ALDH1B1: variants seen among roughly 807,000 people sequenced by gnomAD.
ALDH1B1 encodes the protein aldehyde dehydrogenase 1 family member B1.
In ALDH1B1, 19 loss-of-function variants were observed where a neutral mutation model predicts 26.2. That is an observed-to-expected ratio of 0.72 (90% CI 0.51 to 1.06). The LOEUF (loss-of-function observed/expected upper bound fraction) is 1.06. ALDH1B1 is among the 50% of genes least tolerant of loss of function. ALDH1B1 has a pLI of 0.00. For synonymous variants in ALDH1B1, 249 were observed against 286.0 expected (o/e 0.87, Z 1.31); for missense variants, 671 against 683.1 (o/e 0.98, Z 0.20).
At position 38,395,791 on chromosome 9, in the gene ALDH1B1, A is replaced by G. The variant is rs780298089; in HGVS notation, c.43A>G (p.Arg15Gly). The G allele has an allele frequency of 3.4e-5, 55 of 1,611,444 alleles. No individual in the cohort carries two copies. Among genetic ancestry groups the G allele is most frequent in the South Asian group, 5.5e-5 (5 of 90,854 alleles). ...LAPRLLSLQGRTARYSSAAAL... is the reference protein window; with the variant it reads ...LAPRLLSLQGGTARYSSAAAL... ...ACCCCGGCTGCTTAGCCTCCAGGGCAGGACCGCCCGCTACTCCTCGGCAGC... is the reference window on the plus strand; with the variant it reads ...ACCCCGGCTGCTTAGCCTCCAGGGCGGGACCGCCCGCTACTCCTCGGCAGC... Residue 15 changes from arginine (R) to glycine (G), a missense_variant, in exon 2 of 2, where the codon AGG becomes GGG. Arg to Gly is a moderately radical substitution (Grantham distance 125). Transcript: ENST00000377698.
rs372171593 is a variant in ALDH1B1, at chr9:38,396,453, G to A, written c.705G>A (p.Val235=). 27 of 1,614,000 alleles carry A rather than the reference G, an allele frequency of 1.7e-5. No homozygotes were observed. The highest frequency in any genetic ancestry group is 1.1e-4 in the African/African-American group (8 of 74,952). ...AGGCAGGCTTTCCCCCTGGGGTGGT[G>A]AACATCATCACGGGGTATGGCCCAA... ...IKEAGFPPGV[V]NIITGYGPTA... The change falls in exon 2 of 2, where the codon GTG becomes GTA. Residue 235 remains valine, a synonymous_variant. Transcript: ENST00000377698.
In ALDH1B1 at chr9:38,396,523, G is replaced by A. The variant is rs1181647785; in HGVS notation, c.775G>A (p.Ala259Thr). 2 of 1,613,762 alleles carry A rather than the reference G, an allele frequency of 1.2e-6. No homozygotes were observed. Among genetic ancestry groups the A allele is most frequent in the East Asian group, 2.2e-5 (1 of 44,864 alleles). ...CCAGCACGTGGATGTTGACAAAGTTGCCTTCACCGGTTCCACCGAGGTGGG... is the reference window on the plus strand; with the variant it reads ...CCAGCACGTGGATGTTGACAAAGTTACCTTCACCGGTTCCACCGAGGTGGG... ...IAQHVDVDKV[A>T]FTGSTEVGHL... Residue 259 changes from alanine to threonine, a missense_variant, in exon 2 of 2, where the codon GCC (alanine) becomes ACC (threonine). Coordinates refer to ENST00000377698, the MANE Select transcript of ALDH1B1 (RefSeq NM_000692.5).
At chr9:38,393,812 A>C (rs919918967) in intron 1 of ALDH1B1, among the ~76,000 whole-genome samples, 5 of 136,920 alleles carry the variant, frequency 3.7e-5, no homozygotes, top group African/African-American at 1.3e-4. Context: ...TTTAATTCTT[A>C]GTATCCCCCC....
intron 1 of ALDH1B1, 133 bp from the exon 2 acceptor site, chr9:38,395,607 T>A (rs771149623): frequency 7.7e-7 from 1 of 1,290,672 alleles, no homozygotes; most frequent in Non-Finnish European, 1.0e-6. Context: ...CCCTCACAGC[T>A]CTTACAGTCT....
At position 38,397,070 on chromosome 9, in the gene ALDH1B1, G is replaced by C; in HGVS notation, c.1322G>C (p.Arg441Thr). 1 of 1,614,196 alleles carries C rather than the reference G, an allele frequency of 6.2e-7. No homozygotes were observed. Among genetic ancestry groups the C allele is most frequent in the Non-Finnish European group, 8.5e-7 (1 of 1,180,042 alleles). ...GTGGTTGAGAGGGCCAACAACACCA[G>C]GTATGGCCTGGCTGCGGCTGTGTTC... ...EEVVERANNT[R>T]YGLAAAVFTR... The change falls in exon 2 of 2, where the codon AGG becomes ACG. Residue 441 changes from arginine to threonine, a missense_variant. By Grantham distance (71) the Arg-to-Thr change is moderately conservative. Transcript: ENST00000377698.
At position 38,396,042 on chromosome 9, in the gene ALDH1B1, CT is replaced by C; in HGVS notation, c.295del (p.Ser99LeufsTer7). The C allele has an allele frequency of 1.2e-6, 2 of 1,613,990 alleles. No homozygotes were observed. Among genetic ancestry groups the C allele is most frequent in the Non-Finnish European group, 1.7e-6 (2 of 1,180,004 alleles). ...LGSPWRRMDA[S>X]ERGRLLNRLA... is the part of the protein sequence containing the mutation. Reference sequence around the variant, plus strand: ...GGTCCCCATGGCGCCGGATGGATGCCTCTGAGCGGGGCCGGCTGCTGAACCG... The same window carrying C: ...GGTCCCCATGGCGCCGGATGGATGCCCTGAGCGGGGCCGGCTGCTGAACCG... On this transcript the variant is annotated frameshift_variant, in exon 2 of 2. Transcript: ENST00000377698. LOFTEE classifies it high-confidence loss of function.
Position 38,395,781 on chromosome 9 carries a change from C to T in ALDH1B1, c.33C>T (p.Ser11=), listed in dbSNP as rs1406168935. 1 of 1,605,946 alleles carries T rather than the reference C, an allele frequency of 6.2e-7. No individual in the cohort carries two copies. Among genetic ancestry groups the T allele is most frequent in the South Asian group, 1.1e-5 (1 of 90,444 alleles). Residue 11 remains serine (S), a synonymous_variant, in exon 2 of 2, where the codon AGC becomes AGT. Transcript: ENST00000377698. ...GCTTCCTGGCACCCCGGCTGCTTAGCCTCCAGGGCAGGACCGCCCGCTACT... is the reference window on the plus strand; with the variant it reads ...GCTTCCTGGCACCCCGGCTGCTTAGTCTCCAGGGCAGGACCGCCCGCTACT... MLRFLAPRLL[S]LQGRTARYSS...
At position 38,396,483 on chromosome 9, in the gene ALDH1B1, A is replaced by T. The variant is rs1821289259; in HGVS notation, c.735A>T (p.Ala245=). ...TCATCACGGGGTATGGCCCAACAGC[A>T]GGTGCGGCCATCGCCCAGCACGTGG... ...VNIITGYGPT[A]GAAIAQHVDV... The change falls in exon 2 of 2, where the codon GCA becomes GCT. Residue 245 remains alanine (A), a synonymous_variant. Coordinates refer to ENST00000377698, the MANE Select transcript of ALDH1B1 (RefSeq NM_000692.5). 6.2e-7 allele frequency: 1 copy of T among 1,613,914 alleles called. No individual in the cohort carries two copies. Among genetic ancestry groups the T allele is most frequent in the South Asian group, 1.1e-5 (1 of 91,090 alleles).
At position 38,396,046 on chromosome 9, in the gene ALDH1B1, G is replaced by A. The variant is rs1261485543; in HGVS notation, c.298G>A (p.Glu100Lys). 1 of 1,613,872 alleles carries A rather than the reference G, an allele frequency of 6.2e-7. No homozygotes were observed. The highest frequency in any genetic ancestry group is 1.3e-5 in the African/African-American group (1 of 74,944). The change falls in exon 2 of 2, where the codon GAG becomes AAG. Residue 100 changes from glutamate to lysine, a missense_variant. By Grantham distance (56) the Glu-to-Lys change is moderately conservative (BLOSUM62 1). Coordinates refer to ENST00000377698, the MANE Select transcript of ALDH1B1 (RefSeq NM_000692.5). ...CCCATGGCGCCGGATGGATGCCTCTGAGCGGGGCCGGCTGCTGAACCGCCT... is the reference window on the plus strand; with the variant it reads ...CCCATGGCGCCGGATGGATGCCTCTAAGCGGGGCCGGCTGCTGAACCGCCT... ...GSPWRRMDAS[E>K]RGRLLNRLAD...
Position 38,397,249 on chromosome 9 carries a change from G to A in ALDH1B1, c.1501G>A (p.Ala501Thr), listed in dbSNP as rs1289488633. 1 of 1,614,152 alleles carries A rather than the reference G, an allele frequency of 6.2e-7. No homozygotes were observed. Among genetic ancestry groups the A allele is most frequent in the South Asian group, 1.1e-5 (1 of 91,078 alleles). ...GRELGEDGLK[A>T]YTEVKTVTIK... ...GGAGCTGGGTGAGGATGGGCTTAAG[G>A]CCTACACAGAGGTAAAGACGGTCAC... The change falls in exon 2 of 2, where the codon GCC becomes ACC. Residue 501 changes from alanine (A) to threonine (T), a missense_variant. Coordinates refer to ENST00000377698, the MANE Select transcript of ALDH1B1 (RefSeq NM_000692.5).
intron 1 of ALDH1B1, among the ~76,000 whole-genome samples, chr9:38,393,413 CA>C (rs1255785452): frequency 6.6e-6 from 1 of 152,180 alleles, no homozygotes; most frequent in Non-Finnish European, 1.5e-5. Flanking sequence ...AGACAGCCTG[CA>C]AACTGTAAAG....
At position 38,396,447 on chromosome 9, in the gene ALDH1B1, G is replaced by A. The variant is rs1821288217; in HGVS notation, c.699G>A (p.Gly233=). 3.7e-6 allele frequency: 6 copies of A among 1,614,142 alleles called. No individual in the cohort carries two copies. Among genetic ancestry groups the A allele is most frequent in the South Asian group, 1.1e-5 (1 of 91,088 alleles). Residue 233 remains glycine (G), a synonymous_variant, in exon 2 of 2, where the codon GGG becomes GGA. Transcript: ENST00000377698. ...TCAAGGAGGCAGGCTTTCCCCCTGGGGTGGTGAACATCATCACGGGGTATG... is the reference window on the plus strand; with the variant it reads ...TCAAGGAGGCAGGCTTTCCCCCTGGAGTGGTGAACATCATCACGGGGTATG... ...SLIKEAGFPP[G]VVNIITGYGP...
chr9:38,396,511 G>T lies in ALDH1B1; in HGVS notation c.763G>T (p.Val255Phe), dbSNP rs757559755. 1 of 1,613,920 alleles carries T rather than the reference G, an allele frequency of 6.2e-7. No individual in the cohort carries two copies. Among genetic ancestry groups the T allele is most frequent in the Admixed American group, 1.7e-5 (1 of 60,036 alleles). ...AGAAIAQHVD[V>F]DKVAFTGSTE... ...TGCGGCCATCGCCCAGCACGTGGATGTTGACAAAGTTGCCTTCACCGGTTC... is the reference window on the plus strand; with the variant it reads ...TGCGGCCATCGCCCAGCACGTGGATTTTGACAAAGTTGCCTTCACCGGTTC... Residue 255 changes from valine (V) to phenylalanine (F), a missense_variant, in exon 2 of 2, where the codon GTT (valine) becomes TTT (phenylalanine). Physicochemically the swap from Val to Phe is conservative, Grantham distance 50. Coordinates refer to ENST00000377698, the MANE Select transcript of ALDH1B1 (RefSeq NM_000692.5).
chr9:38,398,256 T>C lies in ALDH1B1; in HGVS notation c.*954T>C, dbSNP rs1400044010. On this transcript the variant is annotated 3_prime_UTR_variant, in exon 2 of 2. Transcript: ENST00000377698. The stretch of plus-strand genomic sequence containing the variant: ...TAATGGTTGCATGATTTGGTAAAAA[T>C]ACTAAAAACTATGGAATTGTTTAAT... 3 of 166,950 alleles carry C rather than the reference T, an allele frequency of 1.8e-5. No individual in the cohort carries two copies. The highest frequency in any genetic ancestry group is 4.4e-5 in the Non-Finnish European group (3 of 68,096). 10.3% of individuals were successfully genotyped at this position (166,950 alleles called of 1,614,324 possible).
At position 38,396,310 on chromosome 9, in the gene ALDH1B1, C is replaced by T; in HGVS notation, c.562C>T (p.Pro188Ser). Residue 188 changes from proline (P) to serine (S), a missense_variant, in exon 2 of 2, where the codon CCC (proline) becomes TCC (serine). Transcript: ENST00000377698. The stretch of plus-strand genomic sequence containing the variant: ...TGGCCAGATCATCCCGTGGAACTTC[C>T]CCTTGGTCATGCAGGGTTGGAAACT... ...VCGQIIPWNFPLVMQGWKLAP... is the reference protein window; with the variant it reads ...VCGQIIPWNFSLVMQGWKLAP... 1 of 1,614,156 alleles carries T rather than the reference C, an allele frequency of 6.2e-7. No homozygotes were observed. The highest frequency in any genetic ancestry group is 1.7e-5 in the Admixed American group (1 of 59,994).
At chr9:38,395,684 T>C in intron 1 of ALDH1B1, 56 bp from the exon 2 acceptor site, 1 of 1,516,368 alleles carries the variant, frequency 6.6e-7, no homozygotes. Flanking sequence ...GGCCCTTGGG[T>C]ACCGCCACCT....
rs750694017 is a variant in ALDH1B1 at position 38,397,144 on chromosome 9, G to T, written c.1396G>T (p.Gly466Trp). 2 of 1,614,178 alleles carry T rather than the reference G, an allele frequency of 1.2e-6. No individual in the cohort carries two copies. The highest frequency in any genetic ancestry group is 1.7e-6 in the Non-Finnish European group (2 of 1,180,034). Residue 466 changes from glycine to tryptophan, a missense_variant, in exon 2 of 2, where the codon GGG becomes TGG. By Grantham distance (184) the Gly-to-Trp change is radical. Transcript: ENST00000377698. The stretch of plus-strand genomic sequence containing the variant: ...GTACTTCACCCAGGCACTCCAGGCC[G>T]GGACCGTGTGGGTAAACACCTACAA... ...AMYFTQALQAGTVWVNTYNIV... is the reference protein window; with the variant it reads ...AMYFTQALQAWTVWVNTYNIV...
At position 38,396,722 on chromosome 9, in the gene ALDH1B1, C is replaced by G; in HGVS notation, c.974C>G (p.Thr325Ser). 1 of 1,614,160 alleles carries G rather than the reference C, an allele frequency of 6.2e-7. No individual in the cohort carries two copies. The highest frequency in any genetic ancestry group is 8.5e-7 in the Non-Finnish European group (1 of 1,180,050). The change falls in exon 2 of 2, where the codon ACC becomes AGC. Residue 325 changes from threonine to serine, a missense_variant. Transcript: ENST00000377698. ...CAGTGCTGCTGTGCTGGCTCCCGGA[C>G]CTTCGTGGAAGAATCCATCTACAAT... ...MGQCCCAGSR[T>S]FVEESIYNEF...
Position 38,397,136 on chromosome 9 carries a change from T to C in ALDH1B1, c.1388T>C (p.Leu463Pro), listed in dbSNP as rs562743360. The C allele has an allele frequency of 3.7e-6, 6 of 1,614,144 alleles. No homozygotes were observed. Among genetic ancestry groups the C allele is most frequent in the African/African-American group, 1.3e-5 (1 of 75,020 alleles). Residue 463 changes from leucine (L) to proline (P), a missense_variant, in exon 2 of 2, where the codon CTC becomes CCC. Leu to Pro is a moderately conservative substitution (Grantham distance 98, BLOSUM62 -3). Coordinates refer to ENST00000377698, the MANE Select transcript of ALDH1B1 (RefSeq NM_000692.5). Reference sequence around the variant, plus strand: ...AAGGCCATGTACTTCACCCAGGCACTCCAGGCCGGGACCGTGTGGGTAAAC... The same window carrying C: ...AAGGCCATGTACTTCACCCAGGCACCCCAGGCCGGGACCGTGTGGGTAAAC... ...LDKAMYFTQA[L>P]QAGTVWVNTY...
Sources: allele counts gnomAD v4.1 joint callset (sites outside exome capture counted in the v4.1 genomes callset), GRCh38; gene constraint gnomAD v4.1.1; transcripts MANE v1.5; gene names NCBI Gene and HGNC (gene_info 2026-07-23, HGNC 2026-07-21).